Variants in ERFL observed in about 807,000 individuals in gnomAD.
ERFL encodes the protein ETS repressor factor like, also known as ETS domain-containing transcription factor ERF-like.
ERFL carries 8 observed loss-of-function variants against 27.9 expected under a neutral mutation model. That is an observed-to-expected ratio of 0.29 (90% CI 0.17 to 0.52). The LOEUF (loss-of-function observed/expected upper bound fraction) is 0.52, where lower values mean the gene tolerates loss of function less well. ERFL is among the 20% of genes least tolerant of loss of function. The probability of loss-of-function intolerance (pLI) is 0.97; values close to 1 mark genes in which losing one functional copy is unlikely to be tolerated. For missense variants in ERFL, 294 were observed against 444.4 expected, an observed-to-expected ratio of 0.66 and a Z score of 3.04; for synonymous variants, 174 against 202.8, an observed-to-expected ratio of 0.86 and a Z score of 1.21.
At chr19:41,922,966 ACTCC>A (rs2074850864) in intron 1 of ERFL, 1 of 364,280 alleles carries the variant, frequency 2.7e-6, no homozygotes, top group Non-Finnish European at 5.4e-6. Context: ...GCACACACTC[ACTCC>A]CACTGACAGC....
chr19:41,911,747 C>G (rs2074752930), intron 2 of ERFL, among the ~76,000 whole-genome samples: 1 of 152,100 alleles, frequency 6.6e-6, no homozygotes, highest in African/African-American at 2.4e-5. Flanking sequence ...CCCACAGGAC[C>G]CCAAGGTGAC....
In ERFL at chr19:41,922,842, G is replaced by A. The variant is rs554665757; in HGVS notation, c.-14+5198C>T. ...TTGTGACAAGATGCAATCCTGGCCC[G>A]CGCACTGCCGCCGAGGCGGATCGAT... On this transcript the variant is annotated intron_variant, in intron 1 of 5. Coordinates refer to ENST00000597630, the MANE Select transcript of ERFL (RefSeq NM_001365103.2). Among the ~76,000 whole-genome samples, 11 of 152,322 alleles carry A rather than the reference G, an allele frequency of 7.2e-5. No individual in the cohort carries two copies. The East Asian group carries it at 1.9e-3, about 27-fold the overall frequency.
In ERFL at chr19:41,907,779, A is replaced by AG. The variant is rs1316963382; in HGVS notation, c.*448dup. On this transcript the variant is annotated 3_prime_UTR_variant, in exon 6 of 6. Transcript: ENST00000597630. ...TTGGGATCATGGGGAGCTGGTGGGGAGGGGGGCCCCTCCTGGGTGGGGGCT... is the reference window on the plus strand; with the variant it reads ...TTGGGATCATGGGGAGCTGGTGGGGAGGGGGGGCCCCTCCTGGGTGGGGGCT... 3.7e-4 allele frequency: 63 copies of AG among 168,970 alleles called. No homozygotes were observed. The highest frequency in any genetic ancestry group is 1.1e-3 in the African/African-American group (44 of 40,468). The allele number at this position is 168,970 out of a possible 1,614,324, so 10.5% of individuals were successfully genotyped here.
chr19:41,917,386 T>C lies in ERFL; in HGVS notation c.-13-4454A>G, dbSNP rs888271293. 7.2e-5 allele frequency among the ~76,000 whole-genome samples: 11 copies of C among 151,896 alleles called. No individual in the cohort carries two copies. The highest frequency in any genetic ancestry group is 2.4e-4 in the African/African-American group (10 of 41,314). ...CCCCCTGGGCTGGGGTTTAACCAGTTGTTTTGATTTCTCTAAGCTGCGCCG... is the reference window on the plus strand; with the variant it reads ...CCCCCTGGGCTGGGGTTTAACCAGTCGTTTTGATTTCTCTAAGCTGCGCCG... On this transcript the variant is annotated intron_variant, in intron 1 of 5. Coordinates refer to ENST00000597630, the MANE Select transcript of ERFL (RefSeq NM_001365103.2). The surrounding 1 kb of genome is among the most constrained non-coding windows in gnomAD (Gnocchi z 4.8).
In ERFL at chr19:41,909,784, C is replaced by T. The variant is rs1555851099; in HGVS notation, c.302+79G>A. ...CTTGTGGGATCCAGCAGGAACCTGC[C>T]CCAGGATGCAGAGGGGGCACCAGAG... On this transcript the variant is annotated intron_variant, in intron 3 of 5. Transcript: ENST00000597630. The surrounding 1 kb of genome is among the most constrained non-coding windows in gnomAD (Gnocchi z 5.2). 1.4e-6 allele frequency: 2 copies of T among 1,446,180 alleles called. No individual in the cohort carries two copies. Among genetic ancestry groups the T allele is most frequent in the African/African-American group, 2.8e-5 (2 of 70,686 alleles). The allele number at this position is 1,446,180 out of a possible 1,614,324, so 89.6% of individuals were successfully genotyped here.
At position 41,928,331 on chromosome 19, in the gene ERFL, CAA is replaced by C. The variant is rs2074884328; in HGVS notation, c.-307_-306del. 6.6e-6 allele frequency: 1 copy of C among 152,294 alleles called. No homozygotes were observed. The highest frequency in any genetic ancestry group is 2.1e-4 in the South Asian group (1 of 4,846). 9.4% of individuals were successfully genotyped at this position (152,294 alleles called of 1,614,324 possible). A position where few individuals can be genotyped will look rare whatever the true frequency, so the allele number is the denominator to read the frequency against. On this transcript the variant is annotated 5_prime_UTR_variant, in exon 1 of 6. Coordinates refer to ENST00000597630, the MANE Select transcript of ERFL (RefSeq NM_001365103.2). Reference sequence around the variant, plus strand: ...GGAGAGAGACAGCGAGATAGACGCGCAAAGAGAGCAGAGACGGGGAGAGCTGA... The same window carrying C: ...GGAGAGAGACAGCGAGATAGACGCGCAGAGAGCAGAGACGGGGAGAGCTGA...
Position 41,908,427 on chromosome 19 carries a change from C to G in ERFL, c.866G>C (p.Arg289Pro). ...ASTGEGLGPE[R>P]PSGLAAAPRL... Reference sequence around the variant, plus strand: ...AGGGGCCGCTGCCAGGCCCGAGGGGCGCTCGGGGCCCAGGCCCTCCCCTGT... The same window carrying G: ...AGGGGCCGCTGCCAGGCCCGAGGGGGGCTCGGGGCCCAGGCCCTCCCCTGT... The change falls in exon 6 of 6, where the codon CGC (arginine) becomes CCC (proline). Residue 289 changes from arginine to proline, a missense_variant. Transcript: ENST00000597630. The surrounding 1 kb of genome is among the most constrained non-coding windows in gnomAD (Gnocchi z 6.7). 8.1e-7 allele frequency: 1 copy of G among 1,231,184 alleles called. No individual in the cohort carries two copies. The highest frequency in any genetic ancestry group is 1.0e-6 in the Non-Finnish European group (1 of 987,624). 76.3% of individuals were successfully genotyped at this position (1,231,184 alleles called of 1,614,324 possible).
chr19:41,921,099 C>G lies in ERFL; in HGVS notation c.-14+6941G>C, dbSNP rs1179444168. On this transcript the variant is annotated intron_variant, in intron 1 of 5. Transcript: ENST00000597630. This position sits in a 1 kb window ranked among gnomAD's most constrained non-coding sequence, Gnocchi z 4.4. ...GAGGTGGGAGCCGCAGTGCCACGCACCCCGCCTACCAAACAGCTCTGGGGG... is the reference window on the plus strand; with the variant it reads ...GAGGTGGGAGCCGCAGTGCCACGCAGCCCGCCTACCAAACAGCTCTGGGGG... Among the ~76,000 whole-genome samples, 1 of 152,104 alleles carries G rather than the reference C, an allele frequency of 6.6e-6. No homozygotes were observed. Among genetic ancestry groups the G allele is most frequent in the Non-Finnish European group, 1.5e-5 (1 of 68,024 alleles).
At chr19:41,918,322 TACAC>T (rs1331189656) in intron 1 of ERFL, among the ~76,000 whole-genome samples, 3 of 145,468 alleles carry the variant, frequency 2.1e-5, no homozygotes, top group East Asian at 2.1e-4. Context: ...ACACACCACA[TACAC>T]ACACACGGTA....
intron 1 of ERFL, chr19:41,923,308 A>G: frequency 2.6e-6 from 1 of 387,520 alleles, no homozygotes; most frequent in Non-Finnish European, 5.2e-6. Context: ...AAAAGGAGGA[A>G]AGAGACAAGA....
In ERFL at chr19:41,909,802, C is replaced by A. The variant is rs1347692416; in HGVS notation, c.302+61G>T. ...AACCTGCCCCAGGATGCAGAGGGGG[C>A]ACCAGAGGGACAGTTGGGGGAAAAG... On this transcript the variant is annotated intron_variant, in intron 3 of 5. Transcript: ENST00000597630. This position sits in a 1 kb window ranked among gnomAD's most constrained non-coding sequence, Gnocchi z 5.2. The A allele has an allele frequency of 1.3e-6, 2 of 1,494,496 alleles. No individual in the cohort carries two copies. The highest frequency in any genetic ancestry group is 1.8e-6 in the Non-Finnish European group (2 of 1,113,176). The allele number at this position is 1,494,496 out of a possible 1,614,324, so 92.6% of individuals were successfully genotyped here.
At chr19:41,920,712 C>G (rs1376340463) in intron 1 of ERFL, among the ~76,000 whole-genome samples, 1 of 152,258 alleles carries the variant, frequency 6.6e-6, no homozygotes, top group South Asian at 2.1e-4. Flanking sequence ...TGTGCACATG[C>G]GCACACACAC....
At chr19:41,915,046 C>A (rs1258291460) in intron 1 of ERFL, among the ~76,000 whole-genome samples, 1 of 107,680 alleles carries the variant, frequency 9.3e-6, no homozygotes, top group Non-Finnish European at 1.9e-5. Flanking sequence ...CTCCAGCAGC[C>A]CCGCTCCCCC....
chr19:41,924,612 G>T (rs548349494), intron 1 of ERFL, among the ~76,000 whole-genome samples: 1 of 152,154 alleles, frequency 6.6e-6, no homozygotes. Context: ...ACAAGCACCT[G>T]CTACTCAGAG....
rs538131762 is a variant in ERFL at position 41,921,418 on chromosome 19, G to T, written c.-14+6622C>A. Among the ~76,000 whole-genome samples, 1 of 152,164 alleles carries T rather than the reference G, an allele frequency of 6.6e-6. No individual in the cohort carries two copies. The highest frequency in any genetic ancestry group is 2.4e-5 in the African/African-American group (1 of 41,424). ...CCAGGGGAAGGCACAGAGAAGGAAAGAGACACAGAGGACAAGGACAGGTCC... is the reference window on the plus strand; with the variant it reads ...CCAGGGGAAGGCACAGAGAAGGAAATAGACACAGAGGACAAGGACAGGTCC... On this transcript the variant is annotated intron_variant, in intron 1 of 5. Coordinates refer to ENST00000597630, the MANE Select transcript of ERFL (RefSeq NM_001365103.2). This position sits in a 1 kb window ranked among gnomAD's most constrained non-coding sequence, Gnocchi z 4.4.
intron 1 of ERFL, among the ~76,000 whole-genome samples, chr19:41,914,209 C>A (rs1317792865): frequency 1.3e-5 from 2 of 151,192 alleles, no homozygotes; most frequent in Non-Finnish European, 3.0e-5. Context: ...CTGTCCCAGG[C>A]CCCCTCTGTT....
intron 1 of ERFL, among the ~76,000 whole-genome samples, chr19:41,915,739 C>T (rs1349926795): frequency 6.6e-6 from 1 of 152,210 alleles, no homozygotes; most frequent in Non-Finnish European, 1.5e-5. Flanking sequence ...GTGTCCGTCT[C>T]TTGGGGTCCC....
intron 1 of ERFL, among the ~76,000 whole-genome samples, chr19:41,915,308 C>G (rs1212880240): frequency 2.0e-5 from 3 of 151,688 alleles, no homozygotes; most frequent in Non-Finnish European, 2.9e-5. Flanking sequence ...TCTGCCATCT[C>G]GCAGTCTCTG....
Position 41,908,928 on chromosome 19 carries a change from C to G in ERFL, c.616+132G>C. Reference sequence around the variant, plus strand: ...ACATCACATCCTTTTCTGGGTTTTACACACACACACCCTACAACCTGGCCC... The same window carrying G: ...ACATCACATCCTTTTCTGGGTTTTAGACACACACACCCTACAACCTGGCCC... On this transcript the variant is annotated intron_variant, in intron 5 of 5. Transcript: ENST00000597630. This position sits in a 1 kb window ranked among gnomAD's most constrained non-coding sequence, Gnocchi z 6.7. 1 of 520,412 alleles carries G rather than the reference C, an allele frequency of 1.9e-6. No individual in the cohort carries two copies. The highest frequency in any genetic ancestry group is 2.9e-6 in the Non-Finnish European group (1 of 339,496). 32.2% of individuals were successfully genotyped at this position (520,412 alleles called of 1,614,324 possible).
Sources: gnomAD v4.1 joint callset for allele counts (sites outside exome capture counted in the v4.1 genomes callset) on GRCh38, gnomAD v4.1.1 for gene constraint, Gnocchi (gnomAD v3.1) non-coding constraint, MANE v1.5 for transcripts, NCBI Gene and HGNC (gene_info 2026-07-23, HGNC 2026-07-21) for gene names.